PLD5: variants seen among roughly 807,000 people sequenced by gnomAD.
The protein encoded by PLD5 is phospholipase D family member 5.
In PLD5, 36 loss-of-function variants were observed where a neutral mutation model predicts 61.1. That is an observed-to-expected ratio of 0.59 (90% CI 0.45 to 0.78). The LOEUF (loss-of-function observed/expected upper bound fraction) is 0.78, where lower values mean the gene tolerates loss of function less well. Ranked by LOEUF, PLD5 falls within the 30% of genes least tolerant of loss-of-function variation. The pLI, the probability that PLD5 is intolerant of heterozygous loss-of-function variation, is 0.00. For missense variants in PLD5, 515 were observed against 644.4 expected, an observed-to-expected ratio of 0.80 and a Z score of 2.17; for synonymous variants, 243 against 242.8, an observed-to-expected ratio of 1.00 and a Z score of -0.01.
rs200410549 is a variant in PLD5, at chr1:242,257,785, T to C, written c.607+7552A>G. Among the ~76,000 whole-genome samples the C allele has an allele frequency of 7.2e-5, 11 of 152,340 alleles. No individual in the cohort carries two copies. In the East Asian group the frequency reaches 2.1e-3, roughly 29 times the overall value. ...AATCAATTTAAAAGATTTATTTTTTTTTTAAAGACCAAACAGCACCTAGTG... is the reference window on the plus strand; with the variant it reads ...AATCAATTTAAAAGATTTATTTTTTCTTTAAAGACCAAACAGCACCTAGTG... On this transcript the variant is annotated intron_variant, in intron 4 of 9. Transcript: ENST00000536534.
At chr1:242,331,750 G>A (rs576633204) in intron 2 of PLD5, among the ~76,000 whole-genome samples, 26 of 152,204 alleles carry the variant, frequency 1.7e-4, no homozygotes, top group Admixed American at 9.8e-4. Flanking sequence ...ACCAAAGTCC[G>A]AACTCAATAC....
intron 1 of PLD5, among the ~76,000 whole-genome samples, chr1:242,465,753 C>T (rs1352031506): frequency 6.6e-6 from 1 of 152,108 alleles, no homozygotes; most frequent in Non-Finnish European, 1.5e-5. Flanking sequence ...ATGGCGAAAC[C>T]CCATCTCTAC....
intron 5 of PLD5, among the ~76,000 whole-genome samples, chr1:242,186,783 T>C (rs188237609): frequency 5.3e-5 from 8 of 152,344 alleles, no homozygotes; most frequent in African/African-American, 1.4e-4. Flanking sequence ...TCAAAGATTA[T>C]GCAGTTTAGT....
intron 5 of PLD5, among the ~76,000 whole-genome samples, chr1:242,166,691 A>G (rs1277801026): frequency 6.6e-6 from 1 of 152,238 alleles, no homozygotes; most frequent in Non-Finnish European, 1.5e-5. Context: ...ATAGTTATGG[A>G]ACCTTTAATA....
At chr1:242,242,059 G>A (rs1288672447) in intron 4 of PLD5, among the ~76,000 whole-genome samples, 1 of 143,650 alleles carries the variant, frequency 7.0e-6, no homozygotes, top group African/African-American at 2.6e-5. Flanking sequence ...GGTTGATGGA[G>A]AGAAGGATGT....
At chr1:242,092,299 GTATTTATATACAT>G (rs1659896430) in intron 9 of PLD5, among the ~76,000 whole-genome samples, 1 of 151,920 alleles carries the variant, frequency 6.6e-6, no homozygotes, top group South Asian at 2.1e-4. Context: ...CTTCTACTTG[GTATTTATATACAT>G]TATTTATATG....
At chr1:242,329,507 C>T (rs1659037682) in intron 2 of PLD5, among the ~76,000 whole-genome samples, 1 of 152,148 alleles carries the variant, frequency 6.6e-6, no homozygotes, top group Admixed American at 6.5e-5. Context: ...GTCATCTCCA[C>T]TCAGGTGATC....
chr1:242,486,085 A>C (rs1219569937), intron 1 of PLD5, among the ~76,000 whole-genome samples: 10 of 152,042 alleles, frequency 6.6e-5, no homozygotes, highest in African/African-American at 2.2e-4. Context: ...TAAAGACTTA[A>C]ATGTTAGACC....
intron 5 of PLD5, among the ~76,000 whole-genome samples, chr1:242,208,587 G>GC (rs1669592210): frequency 1.3e-5 from 2 of 152,156 alleles, no homozygotes; most frequent in Non-Finnish European, 2.9e-5. Context: ...GAGATTAGAT[G>GC]CATCAGTGAT....
chr1:242,448,971 T>C (rs954231513), intron 1 of PLD5, among the ~76,000 whole-genome samples: 1 of 152,130 alleles, frequency 6.6e-6, no homozygotes. Context: ...CACACAAACA[T>C]ATCGAGAAAA....
intron 5 of PLD5, among the ~76,000 whole-genome samples, chr1:242,131,386 G>T (rs569003783): frequency 6.6e-6 from 1 of 152,104 alleles, no homozygotes; most frequent in Non-Finnish European, 1.5e-5. Flanking sequence ...GAAGTACGGG[G>T]GACTTTGGTG....
chr1:242,467,342 A>C (rs2102944654), intron 1 of PLD5, among the ~76,000 whole-genome samples: 1 of 152,306 alleles, frequency 6.6e-6, no homozygotes, highest in South Asian at 2.1e-4. Context: ...AAATGTTAAC[A>C]CTTGTCAATT....
At position 242,176,747 on chromosome 1, in the gene PLD5, C is replaced by T. The variant is rs147978448; in HGVS notation, c.735+43241G>A. 1.4e-4 allele frequency among the ~76,000 whole-genome samples: 21 copies of T among 151,920 alleles called. No individual in the cohort carries two copies. The East Asian group carries it at 3.7e-3, about 27-fold the overall frequency. ...TAAACAAATTTACAAGAAGAAAAAC[C>T]ATCAGAAAGTGTCCAAAGGATATGA... On this transcript the variant is annotated intron_variant, in intron 5 of 9. Transcript: ENST00000536534.
intron 1 of PLD5, among the ~76,000 whole-genome samples, chr1:242,477,487 T>C (rs1025047784): frequency 2.0e-5 from 3 of 152,190 alleles, no homozygotes; most frequent in Non-Finnish European, 4.4e-5. Context: ...AATTTCCCGA[T>C]AACTTTGGGG....
At chr1:242,112,553 T>A (rs1184696317) in intron 7 of PLD5, among the ~76,000 whole-genome samples, 6 of 152,136 alleles carry the variant, frequency 3.9e-5, no homozygotes, top group Admixed American at 2.0e-4. Flanking sequence ...ATAATATGAA[T>A]CTTGCAGCTA....
intron 1 of PLD5, among the ~76,000 whole-genome samples, chr1:242,462,519 G>T (rs1230231026): frequency 6.6e-6 from 1 of 151,640 alleles, no homozygotes; most frequent in Non-Finnish European, 1.5e-5. Context: ...TATGCTCACC[G>T]CCTGGGTGAC....
At position 242,087,335 on chromosome 1, in the gene PLD5, T is replaced by C. The variant is rs566602132; in HGVS notation, c.*2519A>G. 1 of 152,210 alleles carries C rather than the reference T, an allele frequency of 6.6e-6. No homozygotes were observed. Among genetic ancestry groups the C allele is most frequent in the Admixed American group, 6.5e-5 (1 of 15,286 alleles). The allele number at this position is 152,210 out of a possible 1,614,324, so 9.4% of individuals were successfully genotyped here. On this transcript the variant is annotated 3_prime_UTR_variant, in exon 10 of 10. Transcript: ENST00000536534. ...GCCAGGCCTCAAAAGGAAATGGCAA[T>C]GATGGTCATTCCGTAATGGATGACA...
At chr1:242,224,252 TAATA>T (rs967276218) in intron 4 of PLD5, among the ~76,000 whole-genome samples, 1 of 152,182 alleles carries the variant, frequency 6.6e-6, no homozygotes, top group African/African-American at 2.4e-5. Context: ...AGACAATATA[TAATA>T]AATAAATCAA....
intron 2 of PLD5, among the ~76,000 whole-genome samples, chr1:242,309,723 A>G (rs952476341): frequency 1.3e-5 from 2 of 149,250 alleles, no homozygotes; most frequent in African/African-American, 2.5e-5. Flanking sequence ...TCTCCTTCCA[A>G]TTCTCTCCTG....
Sources: gnomAD v4.1 joint callset for allele counts (sites outside exome capture counted in the v4.1 genomes callset) on GRCh38, gnomAD v4.1.1 for gene constraint, MANE v1.5 for transcripts, NCBI Gene and HGNC (gene_info 2026-07-23, HGNC 2026-07-21) for gene names.